COL4A1: variants seen among roughly 807,000 people sequenced by gnomAD.
COL4A1 encodes the protein collagen type IV alpha 1 chain, also known as collagen alpha-1(IV) chain.
COL4A1 carries 40 observed loss-of-function variants against 216.6 expected under a neutral mutation model. That is an observed-to-expected ratio of 0.18 (90% CI 0.14 to 0.24). The LOEUF is 0.24. COL4A1 is among the 10% of genes least tolerant of loss of function. The pLI is 1.00. For missense variants in COL4A1, 1,628 were observed against 2,196.8 expected (o/e 0.74, Z 5.18); for synonymous variants, 839 against 810.7 (o/e 1.03, Z -0.59).
intron 2 of COL4A1, among the ~76,000 whole-genome samples, chr13:110,217,661 A>G (rs1030736931): frequency 1.3e-5 from 2 of 152,224 alleles, no homozygotes; most frequent in Non-Finnish European, 2.9e-5. Flanking sequence ...ACATCAGTGC[A>G]ATGCAGAGCA....
chr13:110,288,262 C>CAAA (rs67261918), intron 1 of COL4A1, among the ~76,000 whole-genome samples: 49 of 144,918 alleles, frequency 3.4e-4, no homozygotes, highest in Non-Finnish European at 5.0e-4. Flanking sequence ...AACTCCCTCT[C>CAAA]AAAAAAAAAA....
chr13:110,269,251 A>G (rs558243350), intron 1 of COL4A1, among the ~76,000 whole-genome samples: 14 of 152,224 alleles, frequency 9.2e-5, no homozygotes, highest in African/African-American at 1.4e-4. Flanking sequence ...CTCGAAGCAT[A>G]TGTTAAAACA....
intron 1 of COL4A1, among the ~76,000 whole-genome samples, chr13:110,278,215 G>A (rs1343068221): frequency 1.3e-5 from 2 of 152,188 alleles, no homozygotes; most frequent in Non-Finnish European, 2.9e-5. Flanking sequence ...TGCCTACATT[G>A]ACAGGAGTTT....
chr13:110,165,095 T>C, intron 45 of COL4A1, 105 bp from the exon 46 acceptor site: 18 of 1,502,982 alleles, frequency 1.2e-5, no homozygotes, highest in Non-Finnish European at 1.6e-5. Context: ...TGGAACGTAC[T>C]TCTCAAAGGT....
intron 1 of COL4A1, among the ~76,000 whole-genome samples, chr13:110,280,325 C>T (rs1883581595): frequency 6.6e-6 from 1 of 152,172 alleles, no homozygotes; most frequent in Non-Finnish European, 1.5e-5. Context: ...TGCCTATTAC[C>T]CAGCAATAGT....
At chr13:110,210,990 A>G (rs1425307044) in intron 8 of COL4A1, among the ~76,000 whole-genome samples, 1 of 152,180 alleles carries the variant, frequency 6.6e-6, no homozygotes, top group African/African-American at 2.4e-5. Flanking sequence ...CTCTGGCCAC[A>G]CACACACATG....
chr13:110,280,803 C>T (rs1375275709), intron 1 of COL4A1, among the ~76,000 whole-genome samples: 1 of 152,056 alleles, frequency 6.6e-6, no homozygotes, highest in Non-Finnish European at 1.5e-5. Context: ...TTTCTTTTTT[C>T]AAGACCTAGA....
At chr13:110,157,669 G>A (rs1876849161) in intron 49 of COL4A1, among the ~76,000 whole-genome samples, 1 of 152,158 alleles carries the variant, frequency 6.6e-6, no homozygotes, top group Non-Finnish European at 1.5e-5. Context: ...TAAAGTCCTG[G>A]GACATTTCAG....
chr13:110,222,040 C>T lies in COL4A1; in HGVS notation c.145-8025G>A, dbSNP rs1468026851. Among the ~76,000 whole-genome samples, 3 of 152,292 alleles carry T rather than the reference C, an allele frequency of 2.0e-5. 1 individual carries two copies. The highest frequency in any genetic ancestry group is 4.1e-4 in the South Asian group (2 of 4,822). On this transcript the variant is annotated intron_variant, in intron 2 of 51. Coordinates refer to ENST00000375820, the MANE Select transcript of COL4A1 (RefSeq NM_001845.6). ...GCTCCATCAACAACACATTCAAATG[C>T]CCATGTGAAGGGCCAAGCTCCTGGT...
intron 1 of COL4A1, among the ~76,000 whole-genome samples, chr13:110,303,364 C>T (rs1379180028): frequency 6.6e-6 from 1 of 151,950 alleles, no homozygotes; most frequent in Admixed American, 6.6e-5. Flanking sequence ...GCTGGGAGCT[C>T]TTTTTTAACA....
chr13:110,165,065 C>T (rs570182629), intron 45 of COL4A1, 75 bp from the exon 46 acceptor site: 2 of 1,561,066 alleles, frequency 1.3e-6, no homozygotes, highest in African/African-American at 1.3e-5. Flanking sequence ...GAAGGAGAAT[C>T]CCGGGTGAAG....
intron 41 of COL4A1, among the ~76,000 whole-genome samples, chr13:110,172,300 A>G (rs1877682846): frequency 6.6e-6 from 1 of 152,216 alleles, no homozygotes. Context: ...TCTCAGCTGC[A>G]CTTAGTACTG....
chr13:110,255,079 G>T (rs639655), intron 1 of COL4A1, among the ~76,000 whole-genome samples: 77,077 of 152,024 alleles, frequency 0.51, 19,903 homozygotes, highest in East Asian at 0.69. Flanking sequence ...CACACTTCCC[G>T]CGGAGGAGGT....
In COL4A1 at chr13:110,162,342, C is replaced by T; in HGVS notation, c.4350G>A (p.Arg1450=). The change falls in exon 48 of 52, where the codon AGG becomes AGA. Residue 1450 remains arginine, a synonymous_variant. Transcript: ENST00000375820. ...PSVDHGFLVT[R]HSQTIDDPQC... The stretch of plus-strand genomic sequence containing the variant: ...GTGGGTCATCTATTGTTTGACTATG[C>T]CTGGTCACAAGGAAGCCGTGATCAA... The T allele has an allele frequency of 6.2e-7, 1 of 1,614,196 alleles. No individual in the cohort carries two copies. The highest frequency in any genetic ancestry group is 1.3e-5 in the African/African-American group (1 of 75,056).
At chr13:110,258,544 A>T (rs1379537189) in intron 1 of COL4A1, among the ~76,000 whole-genome samples, 3 of 152,218 alleles carry the variant, frequency 2.0e-5, no homozygotes, top group African/African-American at 7.2e-5. Context: ...CATCTCAAAA[A>T]AAAAGAAAAG....
At chr13:110,212,550 G>T (rs775346892) in intron 5 of COL4A1, 24 bp downstream of exon 5, 3 of 1,614,102 alleles carry the variant, frequency 1.9e-6, no homozygotes, top group Non-Finnish European at 2.5e-6. Flanking sequence ...CATAAAAGAA[G>T]TAGAGCACGT....
chr13:110,223,150 A>G (rs1158083394), intron 2 of COL4A1, among the ~76,000 whole-genome samples: 1 of 152,178 alleles, frequency 6.6e-6, no homozygotes, highest in East Asian at 1.9e-4. Flanking sequence ...TTCAATTTTT[A>G]AAATAGCTGT....
chr13:110,202,538 G>A (rs909263103), intron 18 of COL4A1, among the ~76,000 whole-genome samples: 2 of 152,156 alleles, frequency 1.3e-5, no homozygotes, highest in South Asian at 2.1e-4. Flanking sequence ...GTTAAAAAAT[G>A]AAAGTAAAAC....
chr13:110,198,692 A>T, intron 20 of COL4A1, 61 bp from the exon 21 acceptor site: 1 of 1,596,316 alleles, frequency 6.3e-7, no homozygotes, highest in African/African-American at 1.3e-5. Context: ...TACAGCATAA[A>T]CTCATTCTCC....
Sources: gnomAD v4.1 joint callset for allele counts (sites outside exome capture counted in the v4.1 genomes callset) on GRCh38, gnomAD v4.1.1 for gene constraint, MANE v1.5 for transcripts, NCBI Gene and HGNC (gene_info 2026-07-23, HGNC 2026-07-21) for gene names.